Variants in RETREG3 observed in about 807,000 individuals in gnomAD.
RETREG3 encodes the protein reticulophagy regulator family member 3.
RETREG3 carries 23 observed loss-of-function variants against 50.2 expected under a neutral mutation model. The observed-to-expected ratio is 0.46, with a 90% confidence interval of 0.33 to 0.65. The LOEUF (loss-of-function observed/expected upper bound fraction) is 0.65, where lower values mean the gene tolerates loss of function less well. Among genes scored for constraint, RETREG3 ranks in the 30% least tolerant of loss-of-function variants. RETREG3 has a pLI of 0.02. For synonymous variants in RETREG3, 240 were observed against 234.4 expected, an observed-to-expected ratio of 1.02 and a Z score of -0.22; for missense variants, 546 against 598.0, an observed-to-expected ratio of 0.91 and a Z score of 0.91.
At chr17:42,596,360 A>AAAAAAAAAAAAAAAAAAAAC (rs2093144713) in intron 1 of RETREG3, among the ~76,000 whole-genome samples, 1 of 2,342 alleles carries the variant, frequency 4.3e-4, no homozygotes, top group African/African-American at 1.3e-3. Flanking sequence ...ACCCTTTCTC[A>AAAAAAAAAAAAAAAAAAAAC]AAAAAAAAAA....
intron 1 of RETREG3, among the ~76,000 whole-genome samples, chr17:42,601,883 C>T (rs1340069598): frequency 6.6e-6 from 1 of 151,906 alleles, no homozygotes; most frequent in African/African-American, 2.4e-5. Context: ...ACCTGCCTGC[C>T]TCGGCCTCCC....
chr17:42,583,487 A>G lies in RETREG3; in HGVS notation c.810+11T>C. ...AACTGGACAGTGAAGCAGCTCCCAC[A>G]CTCAAGATACCTGAGGACAGAAGGC... On this transcript the variant is annotated intron_variant, in intron 7 of 8. Coordinates refer to ENST00000309428, the MANE Select transcript of RETREG3 (RefSeq NM_178126.4). 6.2e-7 allele frequency: 1 copy of G among 1,612,712 alleles called. No individual in the cohort carries two copies. Among genetic ancestry groups the G allele is most frequent in the South Asian group, 1.1e-5 (1 of 91,008 alleles).
intron 1 of RETREG3, among the ~76,000 whole-genome samples, chr17:42,599,447 G>T (rs775412337): frequency 1.5e-4 from 23 of 151,948 alleles, no homozygotes; most frequent in Admixed American, 3.9e-4. Context: ...CTGAGATCGG[G>T]AGTTTGAGAC....
At chr17:42,595,995 A>G (rs1355023584) in intron 1 of RETREG3, among the ~76,000 whole-genome samples, 1 of 152,048 alleles carries the variant, frequency 6.6e-6, no homozygotes, top group Non-Finnish European at 1.5e-5. Context: ...TGAATAATTC[A>G]TGTGTGAATT....
intron 1 of RETREG3, 171 bp downstream of exon 1, chr17:42,608,914 AC>A: frequency 1.6e-6 from 1 of 641,402 alleles, no homozygotes; most frequent in Non-Finnish European, 2.7e-6. Context: ...CCTGGGAAGA[AC>A]TAGGGTGCCG....
At chr17:42,598,328 C>T (rs891069448) in intron 1 of RETREG3, among the ~76,000 whole-genome samples, 1 of 152,076 alleles carries the variant, frequency 6.6e-6, no homozygotes, top group Admixed American at 6.6e-5. Flanking sequence ...AAAGATAAAT[C>T]TGGGACTAAA....
Position 42,582,701 on chromosome 17 carries a change from G to C in RETREG3, c.916C>G (p.Gln306Glu). 6.2e-7 allele frequency: 1 copy of C among 1,614,242 alleles called. No homozygotes were observed. The highest frequency in any genetic ancestry group is 8.5e-7 in the Non-Finnish European group (1 of 1,180,044). Residue 306 changes from glutamine to glutamate, a missense_variant, in exon 8 of 9, where the codon CAA becomes GAA. Physicochemically the swap from Gln to Glu is conservative, Grantham distance 29 (BLOSUM62 2). Coordinates refer to ENST00000309428, the MANE Select transcript of RETREG3 (RefSeq NM_178126.4). ...DNGTFNLSRG[Q>E]TPLTEGSEDL... ...TCAGAGCCTTCCGTTAGAGGTGTTT[G>C]GCCCCTTGAAAGATTGAATGTGCCA...
intron 1 of RETREG3, among the ~76,000 whole-genome samples, chr17:42,592,828 T>C (rs2093135830): frequency 6.6e-6 from 1 of 152,076 alleles, no homozygotes; most frequent in Non-Finnish European, 1.5e-5. Context: ...GGTGTGCACC[T>C]GTAATCCCAG....
chr17:42,608,956 G>T (rs2143442633), intron 1 of RETREG3, 130 bp downstream of exon 1: 3 of 914,046 alleles, frequency 3.3e-6, no homozygotes, highest in Admixed American at 5.5e-5. Flanking sequence ...GTGGAAGGAG[G>T]TGAGGCAAAA....
chr17:42,603,956 G>A (rs1396882184), intron 1 of RETREG3, among the ~76,000 whole-genome samples: 20 of 150,144 alleles, frequency 1.3e-4, no homozygotes, highest in African/African-American at 3.9e-4. Context: ...CAGCCTGGGC[G>A]ACAGAGCGAG....
At chr17:42,592,934 C>G (rs1348986129) in intron 1 of RETREG3, among the ~76,000 whole-genome samples, 2 of 152,038 alleles carry the variant, frequency 1.3e-5, no homozygotes, top group Non-Finnish European at 2.9e-5. Context: ...TTACAGTGAG[C>G]CAAGATCATG....
At chr17:42,598,626 C>T (rs981176259) in intron 1 of RETREG3, 1 of 152,106 alleles carries the variant, frequency 6.6e-6, no homozygotes, top group Non-Finnish European at 1.5e-5. Context: ...TCTCTCTTAC[C>T]ACACCTTTCG....
At chr17:42,606,528 G>A (rs373691540) in intron 1 of RETREG3, among the ~76,000 whole-genome samples, 5 of 151,858 alleles carry the variant, frequency 3.3e-5, no homozygotes, top group African/African-American at 1.2e-4. Context: ...GTGAACCCGG[G>A]AGGCAGAGCT....
At chr17:42,601,420 A>C (rs1281746576) in intron 1 of RETREG3, among the ~76,000 whole-genome samples, 1 of 150,146 alleles carries the variant, frequency 6.7e-6, no homozygotes, top group African/African-American at 2.4e-5. Flanking sequence ...AAAAATACAA[A>C]AAATTAGCCG....
At chr17:42,582,633 A>G (rs1003070743) in intron 8 of RETREG3, 41 bp downstream of exon 8, 10 of 1,611,700 alleles carry the variant, frequency 6.2e-6, no homozygotes, top group Admixed American at 1.7e-5. Flanking sequence ...AAGAGGCAAC[A>G]GTCAGAGCCA....
rs746608852 is a variant in RETREG3 at position 42,586,796 on chromosome 17, A to G, written c.473T>C (p.Val158Ala). 1.9e-6 allele frequency: 3 copies of G among 1,614,110 alleles called. No homozygotes were observed. Among genetic ancestry groups the G allele is most frequent in the Middle Eastern group, 1.7e-4 (1 of 6,060 alleles). ...WVSGTIFIRN[V>A]LLFKKQNPGK... ...TGGGTTTTGCTTTTTGAAAAGCAAA[A>G]CATTCCTTATGAAAATGGTCCCACT... Residue 158 changes from valine to alanine, a missense_variant, in exon 4 of 9, where the codon GTT becomes GCT. Coordinates refer to ENST00000309428, the MANE Select transcript of RETREG3 (RefSeq NM_178126.4).
chr17:42,608,220 C>A (rs1490470045), intron 1 of RETREG3, among the ~76,000 whole-genome samples: 1 of 152,142 alleles, frequency 6.6e-6, no homozygotes, highest in African/African-American at 2.4e-5. Flanking sequence ...TCCTCCATTA[C>A]AAATAAATCC....
rs1182615113 is a variant in RETREG3, at chr17:42,581,975, G to A, written c.1239C>T (p.Ala413=). The change falls in exon 9 of 9, where the codon GCC becomes GCT. Residue 413 remains alanine, a synonymous_variant. Transcript: ENST00000309428. ...GTGCTCCAGAAGGGCCTGGTTGGGA[G>A]GCCCCTGACAAGGCCAGCTGAATCA... ...QGMIQLALSG[A]SQPGPSGAPA... is the part of the protein sequence containing the mutation. 6.2e-7 allele frequency: 1 copy of A among 1,614,006 alleles called. No homozygotes were observed. The highest frequency in any genetic ancestry group is 8.5e-7 in the Non-Finnish European group (1 of 1,180,034).
Position 42,580,332 on chromosome 17 carries a change from G to A in RETREG3, c.*1481C>T, listed in dbSNP as rs931430054. ...AGAGATTATGGCCCCTGGGATGAATGACATGGAGCCATTTGTAAAGTGCTA... is the reference window on the plus strand; with the variant it reads ...AGAGATTATGGCCCCTGGGATGAATAACATGGAGCCATTTGTAAAGTGCTA... On this transcript the variant is annotated 3_prime_UTR_variant, in exon 9 of 9. Coordinates refer to ENST00000309428, the MANE Select transcript of RETREG3 (RefSeq NM_178126.4). 6.5e-6 allele frequency: 1 copy of A among 152,758 alleles called. No individual in the cohort carries two copies. The highest frequency in any genetic ancestry group is 2.4e-5 in the African/African-American group (1 of 41,436). The allele number at this position is 152,758 out of a possible 1,614,324, so 9.5% of individuals were successfully genotyped here. A position where few individuals can be genotyped will look rare whatever the true frequency, so the allele number is the denominator to read the frequency against.
Sources: gnomAD v4.1 joint callset for allele counts (sites outside exome capture counted in the v4.1 genomes callset) on GRCh38, gnomAD v4.1.1 for gene constraint, MANE v1.5 for transcripts, NCBI Gene and HGNC (gene_info 2026-07-23, HGNC 2026-07-21) for gene names.